SGCD: variants seen among roughly 807,000 people sequenced by gnomAD.
SGCD encodes sarcoglycan delta.
Under a neutral mutation model 36.6 loss-of-function variants are expected in SGCD, and 18 were observed. The ratio of observed to expected loss-of-function variants is 0.49; its 90% CI spans 0.34 to 0.73. The LOEUF is 0.73. Ranked by LOEUF, SGCD falls within the 30% of genes least tolerant of loss-of-function variation. The pLI is 0.01. For synonymous variants in SGCD, 133 were observed against 130.6 expected, an observed-to-expected ratio of 1.02 and a Z score of -0.12; for missense variants, 387 against 346.7, an observed-to-expected ratio of 1.12 and a Z score of -0.92.
At chr5:156,495,889 C>T (rs556929146) in intron 3 of SGCD, among the ~76,000 whole-genome samples, 1 of 152,172 alleles carries the variant, frequency 6.6e-6, no homozygotes. Context: ...CCACCAATGT[C>T]TCTTTTTAAA....
chr5:156,685,052 A>G (rs32073), intron 7 of SGCD, among the ~76,000 whole-genome samples: 118,897 of 152,092 alleles, frequency 0.78, 47,376 homozygotes, highest in South Asian at 0.89. Flanking sequence ...AAGAAGTCAG[A>G]TATAGAAGCT....
the SGCD span, among the ~76,000 whole-genome samples, chr5:155,859,539 A>G: frequency 6.6e-6 from 1 of 152,190 alleles, no homozygotes; most frequent in South Asian, 2.1e-4. Flanking sequence ...TTTGCAGTCA[A>G]TCTTTTCCTC....
intron 3 of SGCD, among the ~76,000 whole-genome samples, chr5:156,305,114 C>T (rs1767169123): frequency 6.6e-6 from 1 of 152,180 alleles, no homozygotes; most frequent in South Asian, 2.1e-4. Context: ...ACATTCAAGC[C>T]AGCTGCAGAA....
intron 1 of SGCD, among the ~76,000 whole-genome samples, chr5:155,974,607 T>C (rs1581021308): frequency 4.7e-5 from 7 of 149,818 alleles, no homozygotes; most frequent in Admixed American, 4.7e-4. Context: ...CTACTGGCTG[T>C]CCAGTGAGAG....
At chr5:156,701,957 G>C (rs1423085328) in intron 7 of SGCD, among the ~76,000 whole-genome samples, 1 of 152,162 alleles carries the variant, frequency 6.6e-6, no homozygotes, top group African/African-American at 2.4e-5. Context: ...CAGATAGGTA[G>C]ACTCAGAAAA....
the SGCD span, among the ~76,000 whole-genome samples, chr5:155,804,667 G>C: frequency 1.3e-5 from 2 of 152,130 alleles, no homozygotes; most frequent in Non-Finnish European, 2.9e-5. Context: ...AGTTTATTCA[G>C]TACCCAATCC....
At chr5:156,349,971 G>A (rs907807610) in intron 3 of SGCD, among the ~76,000 whole-genome samples, 3 of 151,824 alleles carry the variant, frequency 2.0e-5, no homozygotes, top group African/African-American at 7.3e-5. Flanking sequence ...TCTAAGTGAT[G>A]TGACTCAGGA....
chr5:156,475,966 G>A (rs1056984119), intron 3 of SGCD, among the ~76,000 whole-genome samples: 3 of 152,208 alleles, frequency 2.0e-5, no homozygotes, highest in African/African-American at 4.8e-5. Context: ...TCCCAGGGCT[G>A]CAGAGTGAGA....
chr5:156,215,533 A>T (rs1329686058), intron 3 of SGCD, among the ~76,000 whole-genome samples: 1 of 152,174 alleles, frequency 6.6e-6, no homozygotes, highest in Admixed American at 6.5e-5. Flanking sequence ...CTGAACAGAC[A>T]TTTCTTAAAA....
chr5:156,568,935 T>C (rs1759605402), intron 4 of SGCD, among the ~76,000 whole-genome samples: 2 of 152,262 alleles, frequency 1.3e-5, no homozygotes, highest in Middle Eastern at 3.2e-3. Context: ...ATCATTATTA[T>C]GTATGTACAC....
At chr5:155,870,785 TA>T (rs1284680375) in intron 1 of SGCD, among the ~76,000 whole-genome samples, 1 of 152,168 alleles carries the variant, frequency 6.6e-6, no homozygotes, top group Non-Finnish European at 1.5e-5. Context: ...GAAAACATCC[TA>T]CTGAAATGCT....
In SGCD at chr5:156,053,665, G is replaced by T. The variant is rs1191758925; in HGVS notation, c.-281-64213G>T. ...TTTGGGGTTTTGACTTAAGCACCTT[G>T]GCAAATGTTGGTACCACATAATGAA... On this transcript the variant is annotated intron_variant, in intron 1 of 9. Transcript: ENST00000517913. 3.4e-5 allele frequency among the ~76,000 whole-genome samples: 5 copies of T among 145,938 alleles called. 1 individual carries two copies. Among genetic ancestry groups the T allele is most frequent in the Non-Finnish European group, 6.2e-5 (4 of 64,778 alleles).
At chr5:155,778,879 A>C in the SGCD span, among the ~76,000 whole-genome samples, 1 of 152,184 alleles carries the variant, frequency 6.6e-6, no homozygotes, top group Non-Finnish European at 1.5e-5. Context: ...CTTTGGCAAT[A>C]GTCACTCAAA....
chr5:156,542,259 T>A (rs1211237536), intron 4 of SGCD, among the ~76,000 whole-genome samples: 2 of 151,928 alleles, frequency 1.3e-5, no homozygotes, highest in East Asian at 1.9e-4. Context: ...GTATTAACTT[T>A]AAAAAAAATT....
At chr5:156,305,627 T>C in intron 3 of SGCD, among the ~76,000 whole-genome samples, 1 of 152,076 alleles carries the variant, frequency 6.6e-6, no homozygotes, top group East Asian at 1.9e-4. Flanking sequence ...ATTGGAGCTG[T>C]GAGAAGAGCA....
chr5:155,929,441 A>G (rs1757057846), intron 1 of SGCD, among the ~76,000 whole-genome samples: 1 of 152,178 alleles, frequency 6.6e-6, no homozygotes, highest in African/African-American at 2.4e-5. Context: ...ATCGAACCTC[A>G]TAGTTCCCTT....
intron 3 of SGCD, among the ~76,000 whole-genome samples, chr5:156,285,443 C>A (rs536090393): frequency 6.6e-6 from 1 of 152,112 alleles, no homozygotes; most frequent in Non-Finnish European, 1.5e-5. Flanking sequence ...GCTACAGTAA[C>A]CAAAACAGCA....
At chr5:155,941,683 A>G (rs914994315) in intron 1 of SGCD, among the ~76,000 whole-genome samples, 1 of 151,976 alleles carries the variant, frequency 6.6e-6, no homozygotes, top group African/African-American at 2.4e-5. Flanking sequence ...CTCTATGTTC[A>G]ATACCTCTAT....
At chr5:155,840,085 C>CT in the SGCD span, among the ~76,000 whole-genome samples, 18 of 149,556 alleles carry the variant, frequency 1.2e-4, no homozygotes, top group South Asian at 4.2e-4. Flanking sequence ...TTGTGTCAGT[C>CT]TTTTTTTTTT....
Sources: gnomAD v4.1 joint callset for allele counts (sites outside exome capture counted in the v4.1 genomes callset) on GRCh38, gnomAD v4.1.1 for gene constraint, MANE v1.5 for transcripts, NCBI Gene and HGNC (gene_info 2026-07-23, HGNC 2026-07-21) for gene names.